Variants in FAM20B observed in about 807,000 individuals in gnomAD.
The protein encoded by FAM20B is glycosaminoglycan xylosylkinase.
In FAM20B, 23 loss-of-function variants were observed where a neutral mutation model predicts 43.8. The ratio of observed to expected loss-of-function variants is 0.53; its 90% CI spans 0.38 to 0.74. The LOEUF (loss-of-function observed/expected upper bound fraction) is 0.74. Ranked by LOEUF, FAM20B falls within the 30% of genes least tolerant of loss-of-function variation. The pLI, the probability that FAM20B is intolerant of heterozygous loss-of-function variation, is 0.00. For missense variants in FAM20B, 440 were observed against 510.5 expected, an observed-to-expected ratio of 0.86 and a Z score of 1.33; for synonymous variants, 178 against 192.4, an observed-to-expected ratio of 0.93 and a Z score of 0.62.
At chr1:179,046,990 C>T (rs1572543026) in intron 2 of FAM20B, among the ~76,000 whole-genome samples, 2 of 151,758 alleles carry the variant, frequency 1.3e-5, no homozygotes, top group South Asian at 2.1e-4. Flanking sequence ...AGCGAAACTC[C>T]GTCTCAAAAA....
intron 4 of FAM20B, among the ~76,000 whole-genome samples, chr1:179,062,841 C>G (rs1005731151): frequency 6.6e-6 from 1 of 152,180 alleles, no homozygotes; most frequent in Non-Finnish European, 1.5e-5. Flanking sequence ...AACTTCCCCC[C>G]TTCCTCTATA....
intron 1 of FAM20B, among the ~76,000 whole-genome samples, chr1:179,027,613 G>A (rs1199828982): frequency 6.6e-6 from 1 of 152,154 alleles, no homozygotes; most frequent in African/African-American, 2.4e-5. Context: ...GAATACAAAG[G>A]CACACACAAG....
Position 179,072,294 on chromosome 1 carries a change from A to G in FAM20B, c.*150A>G, listed in dbSNP as rs1423072874. The G allele has an allele frequency of 1.6e-6, 1 of 628,430 alleles. No individual in the cohort carries two copies. The highest frequency in any genetic ancestry group is 1.8e-5 in the African/African-American group (1 of 54,344). 38.9% of individuals were successfully genotyped at this position (628,430 alleles called of 1,614,324 possible). On this transcript the variant is annotated 3_prime_UTR_variant, in exon 8 of 8. Coordinates refer to ENST00000263733, the MANE Select transcript of FAM20B (RefSeq NM_014864.4). ...CTTGGATGTCTTTGGTATTTTCTGTAGTAGAAACTAAAGCAAAGACCACAA... is the reference window on the plus strand; with the variant it reads ...CTTGGATGTCTTTGGTATTTTCTGTGGTAGAAACTAAAGCAAAGACCACAA...
chr1:179,065,649 A>C (rs56173043), intron 6 of FAM20B, among the ~76,000 whole-genome samples: 21,485 of 152,128 alleles, frequency 0.14, 1,762 homozygotes, highest in East Asian at 0.31. Flanking sequence ...GGCCACAGAA[A>C]ATGAAAAACC....
chr1:179,072,249 T>A lies in FAM20B; in HGVS notation c.*105T>A. 1 of 893,288 alleles carries A rather than the reference T, an allele frequency of 1.1e-6. No homozygotes were observed. The highest frequency in any genetic ancestry group is 1.7e-6 in the Non-Finnish European group (1 of 578,586). 55.3% of individuals were successfully genotyped at this position (893,288 alleles called of 1,614,324 possible). On this transcript the variant is annotated 3_prime_UTR_variant, in exon 8 of 8. Transcript: ENST00000263733. ...ATTGGAAGTGGCCAGCAGCAAGTTC[T>A]GGTGACGGGACAGAGTGGCCTTGGA... is the stretch of plus-strand genomic sequence containing the variant.
the FAM20B span, among the ~76,000 whole-genome samples, chr1:179,017,872 GA>G: frequency 6.6e-6 from 1 of 152,138 alleles, no homozygotes; most frequent in African/African-American, 2.4e-5. Flanking sequence ...GAATACAAGG[GA>G]AACCAAAAAT....
chr1:179,020,506 T>C, the FAM20B span, among the ~76,000 whole-genome samples: 8 of 152,326 alleles, frequency 5.3e-5, 1 homozygote, highest in South Asian at 1.7e-3. Flanking sequence ...GACCAAGCTA[T>C]CTTCCCTTGA....
At chr1:179,063,870 A>G in intron 4 of FAM20B, 57 bp from the exon 5 acceptor site, 1 of 1,281,950 alleles carries the variant, frequency 7.8e-7, no homozygotes, top group Non-Finnish European at 1.1e-6. Context: ...TATTTGGGAG[A>G]GAACTTGGAG....
chr1:179,042,173 C>T (rs573476197), intron 1 of FAM20B, among the ~76,000 whole-genome samples: 5 of 152,314 alleles, frequency 3.3e-5, no homozygotes, highest in South Asian at 2.1e-4. Flanking sequence ...CCTTGCAGGC[C>T]GTGCTCAGCT....
At chr1:179,045,626 T>C (rs1486960732) in intron 2 of FAM20B, among the ~76,000 whole-genome samples, 1 of 152,178 alleles carries the variant, frequency 6.6e-6, no homozygotes, top group Non-Finnish European at 1.5e-5. Context: ...TGACTGGGGC[T>C]GGGCGTGATG....
chr1:179,022,483 T>C (rs562500936), upstream of FAM20B, among the ~76,000 whole-genome samples: 309 of 152,302 alleles, frequency 2.0e-3, no homozygotes, highest in Non-Finnish European at 3.0e-3. Context: ...TGTATGCATA[T>C]ATATTTTGCC....
intron 1 of FAM20B, among the ~76,000 whole-genome samples, chr1:179,027,397 ACTGT>A (rs1649833315): frequency 1.3e-5 from 2 of 152,226 alleles, no homozygotes; most frequent in African/African-American, 2.4e-5. Flanking sequence ...CGTTATCACG[ACTGT>A]CTGAGAAACT....
At chr1:179,062,204 G>T (rs1323923150) in intron 4 of FAM20B, among the ~76,000 whole-genome samples, 1 of 152,074 alleles carries the variant, frequency 6.6e-6, no homozygotes, top group Non-Finnish European at 1.5e-5. Flanking sequence ...TGGTATTTAG[G>T]AACTACCCTG....
intron 1 of FAM20B, among the ~76,000 whole-genome samples, chr1:179,043,183 C>T (rs974747201): frequency 6.6e-6 from 1 of 152,238 alleles, no homozygotes. Context: ...CTCATTGGTG[C>T]CCAAAGTCCG....
chr1:179,039,162 T>C (rs1240127220), intron 1 of FAM20B, among the ~76,000 whole-genome samples: 1 of 152,258 alleles, frequency 6.6e-6, no homozygotes, highest in African/African-American at 2.4e-5. Flanking sequence ...CATCCTGTTA[T>C]CTTCTTGTCA....
In FAM20B at chr1:179,072,082, A is replaced by G. The variant is rs1479387400; in HGVS notation, c.1168A>G (p.Thr390Ala). ...LSVLATVKQC[T>A]DQFGMDTVLV... is the part of the protein sequence containing the mutation. ...TGTCCTGGCCACCGTGAAGCAGTGC[A>G]CCGACCAGTTTGGGATGGACACAGT... Residue 390 changes from threonine (T) to alanine (A), a missense_variant, in exon 8 of 8, where the codon ACC becomes GCC. Coordinates refer to ENST00000263733, the MANE Select transcript of FAM20B (RefSeq NM_014864.4). The G allele has an allele frequency of 6.2e-7, 1 of 1,614,180 alleles. No individual in the cohort carries two copies.
Position 179,071,833 on chromosome 1 carries a change from T to A in FAM20B, c.999-80T>A, listed in dbSNP as rs115638707. ...GGATTTTACCTAATTATTTTTTCAC[T>A]TTTGTCTGCCTAGCAGGCTTTCAAC... On this transcript the variant is annotated intron_variant, in intron 7 of 7. Coordinates refer to ENST00000263733, the MANE Select transcript of FAM20B (RefSeq NM_014864.4). 6.5e-4 allele frequency: 631 copies of A among 968,534 alleles called. 4 individuals are homozygous for A. The African/African-American group carries it at 9.5e-3, about 15-fold the overall frequency. 60.0% of individuals were successfully genotyped at this position (968,534 alleles called of 1,614,324 possible).
intron 1 of FAM20B, chr1:179,035,275 G>C (rs544094165): frequency 8.7e-4 from 524 of 602,982 alleles, no homozygotes; most frequent in Non-Finnish European, 1.3e-3. Context: ...TCCAGAGAAT[G>C]GTCTGTCTTC....
intron 4 of FAM20B, among the ~76,000 whole-genome samples, chr1:179,056,086 C>G (rs1304541658): frequency 6.6e-6 from 1 of 152,192 alleles, no homozygotes. Flanking sequence ...ATCAACATCT[C>G]ACATCACAGT....
Sources: allele counts gnomAD v4.1 joint callset (sites outside exome capture counted in the v4.1 genomes callset), GRCh38; gene constraint gnomAD v4.1.1; transcripts MANE v1.5; gene names NCBI Gene and HGNC (gene_info 2026-07-23, HGNC 2026-07-21).